The following TENM4 variants were observed in gnomAD, a reference collection of about 807,000 sequenced individuals.
The protein encoded by TENM4 is teneurin transmembrane protein 4.
In TENM4, 82 loss-of-function variants were observed where a neutral mutation model predicts 243.3. That is an observed-to-expected ratio of 0.34 (90% CI 0.28 to 0.40). The LOEUF is 0.40. Ranked by LOEUF, TENM4 falls within the 10% of genes least tolerant of loss-of-function variation. The pLI is 1.00. For missense variants in TENM4, 3,138 were observed against 3,673.3 expected, an observed-to-expected ratio of 0.85 and a Z score of 3.77; for synonymous variants, 1,412 against 1,456.3, an observed-to-expected ratio of 0.97 and a Z score of 0.69.
rs1256708939 is a variant in TENM4 at position 78,970,856 on chromosome 11, T to C, written c.494-67333A>G. On this transcript the variant is annotated intron_variant, in intron 6 of 33. Coordinates refer to ENST00000278550, the MANE Select transcript of TENM4 (RefSeq NM_001098816.3). ...AATAGTTATGGAACAAATAAATTTG[T>C]ATAAATGTACAGGAAAAAAGATTGG... Among the ~76,000 whole-genome samples the C allele has an allele frequency of 4.6e-5, 7 of 152,158 alleles. No homozygotes were observed. The East Asian group carries it at 1.3e-3, about 29-fold the overall frequency.
chr11:79,211,650 G>C (rs578000835), intron 3 of TENM4, among the ~76,000 whole-genome samples: 4 of 152,200 alleles, frequency 2.6e-5, no homozygotes, highest in African/African-American at 9.6e-5. Context: ...TTTTGGAAAA[G>C]TCATTATTCA....
intron 2 of TENM4, among the ~76,000 whole-genome samples, chr11:79,235,934 A>G (rs1864461195): frequency 6.6e-6 from 1 of 151,946 alleles, no homozygotes; most frequent in South Asian, 2.1e-4. Context: ...CTGATGCCTG[A>G]GGTTCAAGCT....
chr11:79,032,685 A>T (rs1398876568), intron 6 of TENM4, among the ~76,000 whole-genome samples: 2 of 152,230 alleles, frequency 1.3e-5, no homozygotes, highest in Admixed American at 1.3e-4. Context: ...CAACAGAAAG[A>T]TAATTGCTTG....
intron 6 of TENM4, among the ~76,000 whole-genome samples, chr11:78,940,775 T>A (rs1467796171): frequency 1.3e-5 from 2 of 152,164 alleles, no homozygotes; most frequent in African/African-American, 4.8e-5. Context: ...CAGATGAAAG[T>A]GCATCTCAGG....
intron 3 of TENM4, among the ~76,000 whole-genome samples, chr11:79,214,972 G>T (rs1382880024): frequency 1.3e-5 from 2 of 152,216 alleles, no homozygotes; most frequent in African/African-American, 4.8e-5. Context: ...ATTTATTACT[G>T]CAGCATAACT....
chr11:78,829,594 G>A (rs1857931130), intron 12 of TENM4, among the ~76,000 whole-genome samples: 2 of 152,176 alleles, frequency 1.3e-5, no homozygotes, highest in Admixed American at 6.5e-5. Flanking sequence ...GAATGCACCA[G>A]CTTGCAGGCT....
chr11:79,057,283 C>T (rs888705226), intron 6 of TENM4, among the ~76,000 whole-genome samples: 2 of 152,104 alleles, frequency 1.3e-5, no homozygotes, highest in Non-Finnish European at 2.9e-5. Context: ...TACTCCCTCC[C>T]CTCTTTGGCC....
chr11:78,876,651 T>C (rs1310079812), intron 9 of TENM4, among the ~76,000 whole-genome samples: 1 of 152,244 alleles, frequency 6.6e-6, no homozygotes, highest in Non-Finnish European at 1.5e-5. Flanking sequence ...ATCATCTGCA[T>C]AGAATTGCCA....
chr11:78,998,499 T>G (rs953947853), intron 6 of TENM4, among the ~76,000 whole-genome samples: 1 of 152,104 alleles, frequency 6.6e-6, no homozygotes, highest in East Asian at 1.9e-4. Flanking sequence ...CAAAAATAAC[T>G]ATTTTAATTT....
intron 3 of TENM4, among the ~76,000 whole-genome samples, chr11:79,210,516 C>G (rs562314936): frequency 1.3e-5 from 2 of 152,228 alleles, no homozygotes; most frequent in South Asian, 4.1e-4. Context: ...ACACTGAAGG[C>G]CAAGCAAACA....
chr11:78,892,385 A>G (rs1224800345), intron 7 of TENM4, among the ~76,000 whole-genome samples: 4 of 152,204 alleles, frequency 2.6e-5, no homozygotes, highest in Non-Finnish European at 5.9e-5. Context: ...CAGAAAGCCA[A>G]CTTTGGACCC....
chr11:78,688,132 C>T lies in TENM4; in HGVS notation c.5182G>A (p.Val1728Ile). 1 of 1,613,964 alleles carries T rather than the reference C, an allele frequency of 6.2e-7. No homozygotes were observed. Among genetic ancestry groups the T allele is most frequent in the Non-Finnish European group, 8.5e-7 (1 of 1,179,880 alleles). Residue 1728 changes from valine (V) to isoleucine (I), a missense_variant, in exon 29 of 34, where the codon GTA becomes ATA. Physicochemically the swap from Val to Ile is conservative, Grantham distance 29. Coordinates refer to ENST00000278550, the MANE Select transcript of TENM4 (RefSeq NM_001098816.3). The part of the protein sequence containing the change: ...SDTDSSVHVQ[V>I]ETSSKDDVTI... ...ACATCATCCTTGCTGGAGGTCTCTA[C>T]CTGGACATGCACTGAACTGTCTGTA...
At chr11:78,713,442 G>A (rs1859447193) in intron 25 of TENM4, among the ~76,000 whole-genome samples, 1 of 152,280 alleles carries the variant, frequency 6.6e-6, no homozygotes, top group Admixed American at 6.5e-5. Context: ...TGTGCCAACA[G>A]AGAGAGAAGC....
intron 1 of TENM4, among the ~76,000 whole-genome samples, chr11:79,391,527 T>C (rs1858232543): frequency 6.6e-6 from 1 of 152,188 alleles, no homozygotes. Context: ...AAGTAGCAAA[T>C]ATTAATCAGA....
chr11:79,350,603 C>CT (rs71050219), intron 1 of TENM4, among the ~76,000 whole-genome samples: 141,665 of 143,744 alleles, frequency 0.99, 69,861 homozygotes, highest in South Asian at 1. Flanking sequence ...CTAATTTTTT[C>CT]TTTTTTTTTT....
intron 6 of TENM4, among the ~76,000 whole-genome samples, chr11:79,005,456 G>C (rs538761738): frequency 1.3e-5 from 2 of 152,204 alleles, no homozygotes; most frequent in African/African-American, 4.8e-5. Flanking sequence ...ATATACGCAA[G>C]TCAATAAATG....
intron 25 of TENM4, among the ~76,000 whole-genome samples, chr11:78,717,789 T>G (rs1859556223): frequency 6.6e-6 from 1 of 152,210 alleles, no homozygotes; most frequent in African/African-American, 2.4e-5. Flanking sequence ...GGCTCTGAGT[T>G]AATATAATAT....
intron 7 of TENM4, among the ~76,000 whole-genome samples, chr11:78,891,586 T>C (rs1483994798): frequency 3.3e-5 from 5 of 152,226 alleles, no homozygotes; most frequent in Non-Finnish European, 7.3e-5. Flanking sequence ...CAGTTCTCAC[T>C]GGAGAGGACT....
At chr11:79,371,062 T>C (rs1857775433) in intron 1 of TENM4, among the ~76,000 whole-genome samples, 2 of 152,062 alleles carry the variant, frequency 1.3e-5, no homozygotes, top group Admixed American at 1.3e-4. Flanking sequence ...ACTTATGTAG[T>C]GTCAAAGAAA....
Sources: allele counts gnomAD v4.1 joint callset (sites outside exome capture counted in the v4.1 genomes callset), GRCh38; gene constraint gnomAD v4.1.1; transcripts MANE v1.5; gene names NCBI Gene and HGNC (gene_info 2026-07-23, HGNC 2026-07-21).